The following INPP5A variants were observed in gnomAD, a reference collection of about 807,000 sequenced individuals.
INPP5A encodes the protein 43 kDa inositol polyphosphate 5-phophatase.
A neutral mutation model predicts 65.2 loss-of-function variants in INPP5A; 14 were observed. The observed-to-expected ratio is 0.21, with a 90% CI of 0.14 to 0.34. INPP5A has a LOEUF of 0.34. Among genes scored for constraint, INPP5A ranks in the 10% least tolerant of loss-of-function variants. INPP5A has a pLI of 1.00. For synonymous variants in INPP5A, 207 were observed against 208.3 expected (o/e 0.99, Z 0.05); for missense variants, 431 against 545.6 (o/e 0.79, Z 2.09).
chr10:132,737,281 C>T (rs1038907597), intron 9 of INPP5A, among the ~76,000 whole-genome samples: 1 of 152,168 alleles, frequency 6.6e-6, no homozygotes, highest in Non-Finnish European at 1.5e-5. Flanking sequence ...TCCCACAGAC[C>T]CCAGAAAGCC....
intron 2 of INPP5A, among the ~76,000 whole-genome samples, chr10:132,642,643 T>C (rs957699941): frequency 6.6e-6 from 1 of 152,218 alleles, no homozygotes; most frequent in Non-Finnish European, 1.5e-5. Context: ...AGGCCTGGCC[T>C]TTGTTGGGCT....
rs991100479 is a variant in INPP5A, at chr10:132,676,628, C to T, written c.307-13764C>T. On this transcript the variant is annotated intron_variant, in intron 4 of 15. Coordinates refer to ENST00000368594, the MANE Select transcript of INPP5A (RefSeq NM_005539.5). The surrounding 1 kb of genome is among the most constrained non-coding windows in gnomAD (Gnocchi z 4.0). ...CTACAGACTGCTGTCCCGGCCAGTG[C>T]TCCGCTCCCTGCGCCCCTGATGAGA... Among the ~76,000 whole-genome samples, 42 of 152,182 alleles carry T rather than the reference C, an allele frequency of 2.8e-4. No homozygotes were observed. Among genetic ancestry groups the T allele is most frequent in the Admixed American group, 6.5e-5 (1 of 15,282 alleles).
intron 8 of INPP5A, among the ~76,000 whole-genome samples, 176 bp from the exon 9 acceptor site, chr10:132,726,645 G>A (rs2134581483): frequency 6.6e-6 from 1 of 152,262 alleles, no homozygotes; most frequent in Admixed American, 6.5e-5. Flanking sequence ...GACCTCTATT[G>A]GGGGTGGTCT....
At position 132,751,376 on chromosome 10, in the gene INPP5A, C is replaced by T. The variant is rs146950725; in HGVS notation, c.903+1531C>T. 1.4e-3 allele frequency among the ~76,000 whole-genome samples: 206 copies of T among 152,358 alleles called. 2 individuals are homozygous for T. The highest frequency in any genetic ancestry group is 4.4e-3 in the African/African-American group (184 of 41,578). On this transcript the variant is annotated intron_variant, in intron 11 of 15. Transcript: ENST00000368594. ...TAAGGTTTCCTCCGCTTCTCTCCAT[C>T]CAGGCAGGCTGGGTTTCCTCCTGCG...
chr10:132,739,122 T>C (rs1337448187), intron 9 of INPP5A, among the ~76,000 whole-genome samples: 1 of 152,154 alleles, frequency 6.6e-6, no homozygotes, highest in African/African-American at 2.4e-5. Flanking sequence ...CAAGCCAGGC[T>C]CTCAGCTCCT....
chr10:132,745,640 G>T (rs1424400876), intron 9 of INPP5A, among the ~76,000 whole-genome samples: 2 of 137,874 alleles, frequency 1.5e-5, no homozygotes, highest in African/African-American at 5.0e-5. Context: ...GGCCTCGGGC[G>T]TGGTGGCCTC....
intron 4 of INPP5A, among the ~76,000 whole-genome samples, chr10:132,654,877 A>T (rs958309397): frequency 6.6e-6 from 1 of 152,238 alleles, no homozygotes; most frequent in African/African-American, 2.4e-5. Context: ...AGCGACCTGC[A>T]GGTGCCCATT....
intron 6 of INPP5A, among the ~76,000 whole-genome samples, chr10:132,703,544 C>T (rs1845474066): frequency 6.7e-6 from 1 of 148,356 alleles, no homozygotes; most frequent in Non-Finnish European, 1.5e-5. Context: ...CCCATACACA[C>T]ACGTGGCTTC....
chr10:132,623,396 G>GT (rs528742476), intron 2 of INPP5A, among the ~76,000 whole-genome samples: 5,673 of 141,612 alleles, frequency 0.04, 86 homozygotes, highest in Admixed American at 0.055. Context: ...GAAAGGAACA[G>GT]TTTTTTTTTT....
chr10:132,636,524 G>T, intron 2 of INPP5A, among the ~76,000 whole-genome samples: 1 of 152,214 alleles, frequency 6.6e-6, no homozygotes, highest in East Asian at 1.9e-4. Context: ...ACCCTGGTTT[G>T]CAGCCCAAGC....
At position 132,762,427 on chromosome 10, in the gene INPP5A, C is replaced by A. The variant is rs1310702463; in HGVS notation, c.904-3346C>A. On this transcript the variant is annotated intron_variant, in intron 11 of 15. Transcript: ENST00000368594. The surrounding 1 kb of genome is among the most constrained non-coding windows in gnomAD (Gnocchi z 4.6). ...TCCAGAACAACCACAAAAATACACA[C>A]CAGGAGAAGTGGAGGCGTTCAGTCA... 2.0e-5 allele frequency among the ~76,000 whole-genome samples: 3 copies of A among 152,076 alleles called. No homozygotes were observed. Among genetic ancestry groups the A allele is most frequent in the Admixed American group, 2.0e-4 (3 of 15,262 alleles).
chr10:132,634,978 C>T (rs1022744423), intron 2 of INPP5A, among the ~76,000 whole-genome samples: 4 of 152,238 alleles, frequency 2.6e-5, no homozygotes, highest in South Asian at 2.1e-4. Flanking sequence ...CTGTAGCTCC[C>T]AGCCTTGCAA....
At chr10:132,699,699 G>A (rs1397935916) in intron 6 of INPP5A, among the ~76,000 whole-genome samples, 1 of 152,072 alleles carries the variant, frequency 6.6e-6, no homozygotes, top group Non-Finnish European at 1.5e-5. Flanking sequence ...CGGGGGCAGC[G>A]GGCCCTCAGC....
rs1341756668 is a variant in INPP5A, at chr10:132,551,117, G to C, written c.75+12946G>C. On this transcript the variant is annotated intron_variant, in intron 1 of 15. Transcript: ENST00000368594. The surrounding 1 kb of genome is among the most constrained non-coding windows in gnomAD (Gnocchi z 5.3). ...ATGATGGGGATGAGGCCCAGAGTGC[G>C]AGCCTGGTGGGCAGCTGTGGAGCCT... 1.3e-5 allele frequency among the ~76,000 whole-genome samples: 2 copies of C among 152,220 alleles called. No individual in the cohort carries two copies. The highest frequency in any genetic ancestry group is 3.9e-4 in the East Asian group (2 of 5,192).
Position 132,538,289 on chromosome 10 carries a change from A to AGGCC in INPP5A, c.75+118_75+119insGGCC. Reference sequence around the variant, plus strand: ...GAACCTCCAGACCCAGAGGCCCCAGACTCTGATCCCTGTACCCGGGACCCC... The same window carrying AGGCC: ...GAACCTCCAGACCCAGAGGCCCCAGAGGCCCTCTGATCCCTGTACCCGGGACCCC... On this transcript the variant is annotated intron_variant, in intron 1 of 15. Transcript: ENST00000368594. This position sits in a 1 kb window ranked among gnomAD's most constrained non-coding sequence, Gnocchi z 4.1. 9.1e-6 allele frequency: 4 copies of AGGCC among 438,822 alleles called. No individual in the cohort carries two copies. The highest frequency in any genetic ancestry group is 1.0e-5 in the Non-Finnish European group (3 of 293,232). 27.2% of individuals were successfully genotyped at this position (438,822 alleles called of 1,614,324 possible).
rs141522137 is a variant in INPP5A at position 132,709,652 on chromosome 10, G to A, written c.528-685G>A. Among the ~76,000 whole-genome samples, 355 of 152,294 alleles carry A rather than the reference G, an allele frequency of 2.3e-3. 4 individuals are homozygous for A. The highest frequency in any genetic ancestry group is 6.5e-3 in the African/African-American group (271 of 41,564). ...CCGCCTGCACGCACTCATTCCTGGC[G>A]CCTCCTGGTAGGGAGACGGCCAGGT... On this transcript the variant is annotated intron_variant, in intron 7 of 15. Transcript: ENST00000368594.
intron 12 of INPP5A, among the ~76,000 whole-genome samples, chr10:132,775,821 G>T (rs1206320455): frequency 6.6e-6 from 1 of 152,192 alleles, no homozygotes; most frequent in East Asian, 1.9e-4. Context: ...TTCCTGCCAC[G>T]CCCTGGCTTC....
In INPP5A at chr10:132,616,580, A is replaced by T. The variant is rs984199052; in HGVS notation, c.117+8624A>T. ...ACATAGTGTGTGTTGGTGATAGGGG[A>T]TGGGGTGGTGACATGGGATGTGGTT... On this transcript the variant is annotated intron_variant, in intron 2 of 15. Transcript: ENST00000368594. This position sits in a 1 kb window ranked among gnomAD's most constrained non-coding sequence, Gnocchi z 4.9. Among the ~76,000 whole-genome samples, 5 of 151,054 alleles carry T rather than the reference A, an allele frequency of 3.3e-5. No homozygotes were observed. The highest frequency in any genetic ancestry group is 1.2e-4 in the African/African-American group (5 of 41,008).
chr10:132,661,090 T>C (rs1275456565), intron 4 of INPP5A, among the ~76,000 whole-genome samples: 3 of 152,136 alleles, frequency 2.0e-5, no homozygotes, highest in African/African-American at 7.2e-5. Context: ...CCTTGCACAA[T>C]GCCCCCACCC....
Sources: allele counts gnomAD v4.1 joint callset (sites outside exome capture counted in the v4.1 genomes callset), GRCh38; gene constraint gnomAD v4.1.1; non-coding constraint Gnocchi (gnomAD v3.1); transcripts MANE v1.5; gene names NCBI Gene and HGNC (gene_info 2026-07-23, HGNC 2026-07-21).